The following SNX25 variants were observed in gnomAD, a reference collection of about 807,000 sequenced individuals.
SNX25 encodes the protein sorting nexin-25.
Under a neutral mutation model 113.7 loss-of-function variants are expected in SNX25, and 62 were observed. That is an observed-to-expected ratio of 0.55 (90% CI 0.44 to 0.67). The LOEUF is 0.67. SNX25 is among the 30% of genes least tolerant of loss of function. The pLI, the probability that SNX25 is intolerant of heterozygous loss-of-function variation, is 0.00. For missense variants in SNX25, 1,014 were observed against 1,161.0 expected (o/e 0.87, Z 1.84); for synonymous variants, 421 against 436.2 (o/e 0.97, Z 0.43).
intron 2 of SNX25, among the ~76,000 whole-genome samples, chr4:185,257,938 C>T (rs1478324239): frequency 6.6e-6 from 1 of 152,112 alleles, no homozygotes; most frequent in Admixed American, 6.5e-5. Context: ...ACAGAAACCA[C>T]ACTGTAATTG....
chr4:185,308,969 T>C (rs1158318813), intron 6 of SNX25, among the ~76,000 whole-genome samples: 1 of 152,230 alleles, frequency 6.6e-6, no homozygotes, highest in Non-Finnish European at 1.5e-5. Flanking sequence ...ACATAGTGTC[T>C]TTAACAACAG....
At chr4:185,225,265 C>A (rs1740811423) in intron 1 of SNX25, among the ~76,000 whole-genome samples, 1 of 151,964 alleles carries the variant, frequency 6.6e-6, no homozygotes, top group African/African-American at 2.4e-5. Context: ...ACTATAGGCG[C>A]CCACTACTCG....
intron 14 of SNX25, among the ~76,000 whole-genome samples, chr4:185,351,930 G>A (rs182578085): frequency 2.6e-5 from 4 of 151,680 alleles, no homozygotes; most frequent in African/African-American, 9.7e-5. Context: ...TCATGCTGAA[G>A]GTTCACAGTA....
At chr4:185,274,004 T>C (rs1375453469) in intron 5 of SNX25, among the ~76,000 whole-genome samples, 1 of 151,540 alleles carries the variant, frequency 6.6e-6, no homozygotes. Flanking sequence ...ACCCATCATA[T>C]CCTAATTCCA....
At chr4:185,361,512 T>G (rs935671784) in intron 16 of SNX25, among the ~76,000 whole-genome samples, 1 of 151,824 alleles carries the variant, frequency 6.6e-6, no homozygotes, top group Non-Finnish European at 1.5e-5. Flanking sequence ...CTGAGGCGGG[T>G]GGATCACCTG....
chr4:185,226,364 A>C (rs781666951), intron 1 of SNX25, among the ~76,000 whole-genome samples: 7 of 152,202 alleles, frequency 4.6e-5, no homozygotes, highest in Non-Finnish European at 1.0e-4. Flanking sequence ...TAGTTCTGGG[A>C]GATGCTTTTA....
the SNX25 span, chr4:185,378,349 G>A: frequency 7.0e-7 from 1 of 1,433,158 alleles, no homozygotes; most frequent in South Asian, 1.5e-5. Context: ...CCAACTCCAG[G>A]ACGTGAACAT....
At chr4:185,306,028 A>G (rs535534665) in intron 6 of SNX25, among the ~76,000 whole-genome samples, 1 of 152,328 alleles carries the variant, frequency 6.6e-6, no homozygotes, top group Admixed American at 6.5e-5. Flanking sequence ...AACAATGCAC[A>G]GTGTTACTAC....
intron 7 of SNX25, among the ~76,000 whole-genome samples, chr4:185,313,199 G>A (rs2095044662): frequency 6.6e-6 from 1 of 152,152 alleles, no homozygotes. Flanking sequence ...AAACATAAAG[G>A]CACAGATAAG....
intron 12 of SNX25, 84 bp downstream of exon 12, chr4:185,342,200 T>G: frequency 1.4e-6 from 2 of 1,385,870 alleles, no homozygotes; most frequent in Non-Finnish European, 1.9e-6. Flanking sequence ...CTGATTAATC[T>G]TCTTCCTTTG....
In SNX25 at chr4:185,332,592, T is replaced by G; in HGVS notation, c.1750-3T>G. 1 of 1,609,168 alleles carries G rather than the reference T, an allele frequency of 6.2e-7. No individual in the cohort carries two copies. The highest frequency in any genetic ancestry group is 8.5e-7 in the Non-Finnish European group (1 of 1,177,396). On this transcript the variant is annotated splice_region_variant and splice_polypyrimidine_tract_variant and intron_variant, in intron 9 of 18. Transcript: ENST00000652585. The stretch of plus-strand genomic sequence containing the variant: ...ATATGGTGGTATGTGACTCTCCCCC[T>G]AGGGCCCAAGAGATGAGGCTGGTGA...
chr4:185,275,166 A>G (rs1280409602), intron 5 of SNX25, among the ~76,000 whole-genome samples: 1 of 152,130 alleles, frequency 6.6e-6, no homozygotes, highest in Non-Finnish European at 1.5e-5. Flanking sequence ...TTACTGCCAT[A>G]ATTTTATTTA....
At chr4:185,369,019 C>T (rs1023039458) in intron 11 of SNX25, among the ~76,000 whole-genome samples, 2 of 152,064 alleles carry the variant, frequency 1.3e-5, no homozygotes, top group Non-Finnish European at 2.9e-5. Context: ...GTCTCACACT[C>T]TTGGCCTCAG....
chr4:185,250,865 A>G (rs761230700), intron 2 of SNX25, among the ~76,000 whole-genome samples: 43 of 152,048 alleles, frequency 2.8e-4, no homozygotes, highest in Non-Finnish European at 5.3e-4. Context: ...AGTCTGATAT[A>G]AGCTATTCTA....
upstream of SNX25, among the ~76,000 whole-genome samples, chr4:185,208,098 T>C (rs181751599): frequency 2.3e-3 from 347 of 152,250 alleles, no homozygotes; most frequent in African/African-American, 8.1e-3. Flanking sequence ...AAATTAATCA[T>C]ACTGCTTTAT....
downstream of SNX25, among the ~76,000 whole-genome samples, chr4:185,367,548 A>C (rs1017720679): frequency 3.3e-5 from 5 of 152,208 alleles, no homozygotes; most frequent in African/African-American, 1.2e-4. Context: ...TAAAATGGAG[A>C]GCATTAACAT....
upstream of SNX25, among the ~76,000 whole-genome samples, chr4:185,208,054 TAAC>T (rs1284139090): frequency 6.6e-6 from 1 of 152,188 alleles, no homozygotes; most frequent in Non-Finnish European, 1.5e-5. Flanking sequence ...GGGTGAAAAT[TAAC>T]AACTATTTTA....
upstream of SNX25, among the ~76,000 whole-genome samples, chr4:185,205,580 G>A (rs1319795037): frequency 2.0e-5 from 3 of 152,106 alleles, no homozygotes; most frequent in Non-Finnish European, 2.9e-5. Flanking sequence ...TTGTAATTCC[G>A]CACTTTGAGA....
intron 9 of SNX25, among the ~76,000 whole-genome samples, chr4:185,325,385 T>A (rs1360472889): frequency 1.3e-5 from 2 of 151,986 alleles, no homozygotes; most frequent in African/African-American, 4.8e-5. Flanking sequence ...TACAAAAAAT[T>A]AGCTGGGTGT....
Sources: gnomAD v4.1 joint callset for allele counts (sites outside exome capture counted in the v4.1 genomes callset) on GRCh38, gnomAD v4.1.1 for gene constraint, MANE v1.5 for transcripts, NCBI Gene and HGNC (gene_info 2026-07-23, HGNC 2026-07-21) for gene names.